The following STX8 variants were observed in gnomAD, a reference collection of about 807,000 sequenced individuals.
STX8 encodes the protein syntaxin-8.
A neutral mutation model predicts 37.5 loss-of-function variants in STX8; 23 were observed. The observed-to-expected ratio is 0.61, with a 90% CI of 0.44 to 0.87. The LOEUF is 0.87. Ranked by LOEUF, STX8 falls within the 40% of genes least tolerant of loss-of-function variation. The pLI, the probability that STX8 is intolerant of heterozygous loss-of-function variation, is 0.00. For synonymous variants in STX8, 115 were observed against 99.1 expected (o/e 1.16, Z -0.95); for missense variants, 313 against 284.7 (o/e 1.10, Z -0.71).
chr17:9,253,780 G>A (rs912831443), intron 7 of STX8, among the ~76,000 whole-genome samples: 1 of 152,176 alleles, frequency 6.6e-6, no homozygotes, highest in African/African-American at 2.4e-5. Flanking sequence ...TGGAGCAGAG[G>A]CCAGTATGAA....
rs140252457 is a variant in STX8, at chr17:9,465,493, T to C, written c.541+26336A>G. On this transcript the variant is annotated intron_variant, in intron 6 of 7. Transcript: ENST00000306357. ...CAAAACCAGACGGTTCCAAGTTCAG[T>C]GACTAATATCAGGGATGAATTGTGC... 1.9e-3 allele frequency among the ~76,000 whole-genome samples: 289 copies of C among 152,258 alleles called. 6 individuals carry two copies. In the East Asian group the frequency reaches 0.023, roughly 12 times the overall value.
chr17:9,299,322 C>T (rs1908679588), intron 7 of STX8, among the ~76,000 whole-genome samples: 1 of 152,068 alleles, frequency 6.6e-6, no homozygotes, highest in African/African-American at 2.4e-5. Flanking sequence ...GAATGCTGAG[C>T]CTTACTGTGT....
At chr17:9,311,589 C>G (rs1234719775) in intron 7 of STX8, among the ~76,000 whole-genome samples, 1 of 152,146 alleles carries the variant, frequency 6.6e-6, no homozygotes, top group Non-Finnish European at 1.5e-5. Flanking sequence ...TTAAAATAGA[C>G]TGACGGAATA....
At chr17:9,531,011 G>T (rs1448762879) in intron 4 of STX8, among the ~76,000 whole-genome samples, 2 of 152,220 alleles carry the variant, frequency 1.3e-5, no homozygotes, top group Non-Finnish European at 2.9e-5. Flanking sequence ...CAGAGGCCAA[G>T]ATTCATTTTT....
intron 7 of STX8, among the ~76,000 whole-genome samples, chr17:9,253,380 T>C (rs1906666264): frequency 6.6e-6 from 1 of 152,120 alleles, no homozygotes; most frequent in African/African-American, 2.4e-5. Context: ...TGATTTCTGC[T>C]CCAGAAACAT....
chr17:9,345,595 GAATA>G (rs1910504909), intron 7 of STX8, among the ~76,000 whole-genome samples: 1 of 151,656 alleles, frequency 6.6e-6, no homozygotes, highest in Non-Finnish European at 1.5e-5. Flanking sequence ...AGATGACAAA[GAATA>G]TATATTTATG....
intron 6 of STX8, among the ~76,000 whole-genome samples, chr17:9,412,231 A>T (rs1913004174): frequency 6.6e-6 from 1 of 152,106 alleles, no homozygotes; most frequent in African/African-American, 2.4e-5. Context: ...TAAATCTAAA[A>T]TTGGTTCAAA....
intron 4 of STX8, among the ~76,000 whole-genome samples, chr17:9,541,301 G>T (rs929158498): frequency 5.3e-5 from 8 of 151,934 alleles, no homozygotes; most frequent in African/African-American, 1.9e-4. Flanking sequence ...AGATGTGGAA[G>T]AGGAGAATGG....
chr17:9,335,079 C>A (rs1910093402), intron 7 of STX8, among the ~76,000 whole-genome samples: 1 of 152,170 alleles, frequency 6.6e-6, no homozygotes, highest in Admixed American at 6.5e-5. Context: ...CCTAACTGTT[C>A]TTCCCATCAA....
chr17:9,410,700 T>C (rs184352466), intron 6 of STX8, among the ~76,000 whole-genome samples: 9 of 152,344 alleles, frequency 5.9e-5, no homozygotes, highest in African/African-American at 2.2e-4. Flanking sequence ...GCAAACACTC[T>C]AATGTTTACG....
chr17:9,520,339 T>C (rs1905298841), intron 4 of STX8, among the ~76,000 whole-genome samples: 2 of 152,192 alleles, frequency 1.3e-5, no homozygotes, highest in Non-Finnish European at 2.9e-5. Context: ...TGAAAGGGAA[T>C]TTGGTCAGTA....
chr17:9,352,466 CT>C (rs745427686), intron 7 of STX8, among the ~76,000 whole-genome samples: 67,142 of 87,926 alleles, frequency 0.76, 24,846 homozygotes, highest in South Asian at 0.8. Context: ...CTTACTCCCA[CT>C]TTTTTTTTTT....
At chr17:9,550,698 G>C (rs79968545) in intron 3 of STX8, among the ~76,000 whole-genome samples, 4,140 of 152,316 alleles carry the variant, frequency 0.027, 70 homozygotes, top group Non-Finnish European at 0.04. Context: ...ACCACAGATG[G>C]AGCGGGGTAA....
At chr17:9,409,088 C>T (rs1912897220) in intron 6 of STX8, among the ~76,000 whole-genome samples, 1 of 151,990 alleles carries the variant, frequency 6.6e-6, no homozygotes, top group South Asian at 2.1e-4. Flanking sequence ...CCCCCTGCCC[C>T]CGCCCCCACC....
intron 7 of STX8, among the ~76,000 whole-genome samples, chr17:9,279,064 T>G (rs1391006391): frequency 1.1e-5 from 1 of 93,638 alleles, no homozygotes; most frequent in Admixed American, 1.2e-4. Context: ...GTTTTTTGTT[T>G]TTTGTTTTTT....
chr17:9,331,785 C>G (rs79217019), intron 7 of STX8, among the ~76,000 whole-genome samples: 1 of 152,128 alleles, frequency 6.6e-6, no homozygotes, highest in African/African-American at 2.4e-5. Flanking sequence ...TCCCTCCCCC[C>G]TCTCTGCCTT....
intron 7 of STX8, among the ~76,000 whole-genome samples, chr17:9,281,321 GAGCAGA>G (rs1415390675): frequency 6.6e-6 from 1 of 152,200 alleles, no homozygotes; most frequent in East Asian, 1.9e-4. Context: ...TGTAGGGGCT[GAGCAGA>G]AGCAGGGATG....
At chr17:9,553,483 A>G (rs1906846360) in intron 3 of STX8, 1 of 152,226 alleles carries the variant, frequency 6.6e-6, no homozygotes. Flanking sequence ...TCACAAGTGT[A>G]GAAAGGCATC....
chr17:9,492,649 C>T (rs1431635644), intron 5 of STX8, among the ~76,000 whole-genome samples: 1 of 152,184 alleles, frequency 6.6e-6, no homozygotes, highest in Non-Finnish European at 1.5e-5. Flanking sequence ...TTTTTGGCTG[C>T]TCTATGAAGA....
Sources: allele counts gnomAD v4.1 joint callset (sites outside exome capture counted in the v4.1 genomes callset), GRCh38; gene constraint gnomAD v4.1.1; transcripts MANE v1.5; gene names NCBI Gene and HGNC (gene_info 2026-07-23, HGNC 2026-07-21).